DMD: variants seen among roughly 807,000 people sequenced by gnomAD.
DMD encodes mutant dystrophin.
DMD carries 63 observed loss-of-function variants against 330.1 expected under a neutral mutation model. The ratio of observed to expected loss-of-function variants is 0.19; its 90% CI spans 0.16 to 0.24. The LOEUF (loss-of-function observed/expected upper bound fraction) is 0.24, where lower values mean the gene tolerates loss of function less well. DMD is among the 10% of genes least tolerant of loss of function. DMD has a pLI of 1.00. For missense variants in DMD, 3,344 were observed against 2,684.1 expected (o/e 1.25, Z -5.43); for synonymous variants, 1,223 against 959.8 (o/e 1.27, Z -5.07).
At chrX:32,414,171 G>A (rs2098156907) in intron 29 of DMD, among the ~76,000 whole-genome samples, 1 of 111,200 alleles carries the variant, frequency 9.0e-6, no homozygotes, top group South Asian at 3.7e-4. Context: ...TAAACATGTT[G>A]TTCCCTTTTA....
At chrX:32,704,616 T>A (rs1293065793) in intron 7 of DMD, among the ~76,000 whole-genome samples, 1 of 112,435 alleles carries the variant, frequency 8.9e-6, no homozygotes, top group Non-Finnish European at 1.9e-5. Context: ...AGTTGGTCAG[T>A]CTTTTAAGAG....
intron 25 of DMD, among the ~76,000 whole-genome samples, chrX:32,462,567 T>C (rs951500933): frequency 9.0e-6 from 1 of 111,222 alleles, no homozygotes; most frequent in Non-Finnish European, 1.9e-5. Context: ...TGTAGAAAAA[T>C]GAGAAACTCA....
intron 5 of DMD, among the ~76,000 whole-genome samples, chrX:32,818,304 CATT>C (rs1460188989): frequency 7.2e-5 from 8 of 111,760 alleles, no homozygotes; most frequent in African/African-American, 1.3e-4. Flanking sequence ...TTTATAGCAT[CATT>C]ATGTCACTAA....
At chrX:32,849,040 A>C (rs1432704324) in intron 3 of DMD, among the ~76,000 whole-genome samples, 1 of 111,419 alleles carries the variant, frequency 9.0e-6, no homozygotes, top group Non-Finnish European at 1.9e-5. Flanking sequence ...GGGCAAAGAT[A>C]AGAGACGAAG....
intron 47 of DMD, among the ~76,000 whole-genome samples, chrX:31,911,895 C>A (rs1413191597): frequency 1.8e-5 from 2 of 111,174 alleles, no homozygotes; most frequent in East Asian, 2.8e-4. Context: ...ATTGGAAAGG[C>A]GAAAAAACTC....
intron 2 of DMD, among the ~76,000 whole-genome samples, chrX:32,971,070 T>G (rs947399273): frequency 2.7e-5 from 3 of 111,026 alleles, no homozygotes; most frequent in Non-Finnish European, 5.7e-5. Context: ...CAAGTGATTC[T>G]CCTGCCTCAG....
chrX:32,671,582 T>C lies in DMD; in HGVS notation c.960+26288A>G, dbSNP rs778901574. On this transcript the variant is annotated intron_variant, in intron 9 of 78. Coordinates refer to ENST00000357033, the MANE Select transcript of DMD (RefSeq NM_004006.3). Reference sequence around the variant, plus strand: ...AAATATAATCTGCACCTCTGCTAATTACTCATTTTCCATTAAAATGTAAAA... The same window carrying C: ...AAATATAATCTGCACCTCTGCTAATCACTCATTTTCCATTAAAATGTAAAA... 2.7e-5 allele frequency among the ~76,000 whole-genome samples: 3 copies of C among 112,240 alleles called. No individual in the cohort carries two copies. In the East Asian group the frequency reaches 8.4e-4, roughly 31 times the overall value.
chrX:33,331,257 T>C (rs2054171448), intron 1 of DMD, among the ~76,000 whole-genome samples: 1 of 111,534 alleles, frequency 9.0e-6, no homozygotes, highest in Admixed American at 9.5e-5. Flanking sequence ...GAACCTGAGA[T>C]TCCTACTCAC....
intron 2 of DMD, among the ~76,000 whole-genome samples, chrX:32,977,986 C>A (rs7890963): frequency 9.0e-6 from 1 of 111,292 alleles, no homozygotes. Flanking sequence ...GAGGAAATAC[C>A]GAGCAAATAA....
intron 44 of DMD, among the ~76,000 whole-genome samples, chrX:32,130,036 C>T (rs1469597542): frequency 1.1e-5 from 1 of 90,055 alleles, no homozygotes; most frequent in Non-Finnish European, 2.2e-5. Flanking sequence ...TGGCTTTTTT[C>T]CCCCTTACGC....
chrX:32,752,736 A>G (rs2406189), intron 7 of DMD, among the ~76,000 whole-genome samples: 18,980 of 108,379 alleles, frequency 0.18, 2,119 homozygotes, highest in African/African-American at 0.39. Flanking sequence ...ACATGTTGTC[A>G]GAGGATCCCT....
At chrX:31,863,330 A>G (rs1187352568) in intron 48 of DMD, among the ~76,000 whole-genome samples, 2 of 112,140 alleles carry the variant, frequency 1.8e-5, no homozygotes, top group African/African-American at 3.2e-5. Flanking sequence ...GCGACTGAGC[A>G]AGACTCCGTC....
intron 41 of DMD, among the ~76,000 whole-genome samples, chrX:32,317,328 T>A (rs906956530): frequency 1.3e-4 from 15 of 111,684 alleles, no homozygotes; most frequent in African/African-American, 4.5e-4. Context: ...GTTCGATCAA[T>A]GCTTAATGAC....
chrX:32,389,853 A>G (rs2097988468), intron 31 of DMD, among the ~76,000 whole-genome samples, 179 bp from the exon 32 acceptor site: 1 of 112,021 alleles, frequency 8.9e-6, no homozygotes, highest in African/African-American at 3.2e-5. Context: ...AGAATGATTC[A>G]GTAGTTTTTT....
intron 60 of DMD, among the ~76,000 whole-genome samples, chrX:31,368,237 G>C (rs2059363371): frequency 8.9e-6 from 1 of 112,557 alleles, no homozygotes; most frequent in African/African-American, 3.2e-5. Flanking sequence ...CTTCTGCACA[G>C]TGTTTATTGA....
intron 2 of DMD, among the ~76,000 whole-genome samples, chrX:32,872,655 G>A (rs890437133): frequency 3.6e-5 from 4 of 111,993 alleles, no homozygotes; most frequent in African/African-American, 1.3e-4. Flanking sequence ...ATCTTAAAAA[G>A]GAGATTTTAT....
chrX:31,531,637 T>C (rs1431029540), intron 55 of DMD, among the ~76,000 whole-genome samples: 12 of 105,453 alleles, frequency 1.1e-4, no homozygotes, highest in African/African-American at 3.9e-4. Context: ...GCCTGTTCAC[T>C]CTGATGGTAG....
chrX:32,164,863 A>T (rs1286497231), intron 44 of DMD, among the ~76,000 whole-genome samples: 1 of 111,145 alleles, frequency 9.0e-6, no homozygotes, highest in Non-Finnish European at 1.9e-5. Flanking sequence ...CACTCCAGCC[A>T]TGGATAAAAG....
chrX:32,834,993 A>C (rs1415590073), intron 4 of DMD, among the ~76,000 whole-genome samples: 1 of 111,432 alleles, frequency 9.0e-6, no homozygotes, highest in Non-Finnish European at 1.9e-5. Context: ...TTAAAGCACC[A>C]CAGTTAAATC....
Sources: gnomAD v4.1 joint callset for allele counts (sites outside exome capture counted in the v4.1 genomes callset) on GRCh38, gnomAD v4.1.1 for gene constraint, MANE v1.5 for transcripts, NCBI Gene and HGNC (gene_info 2026-07-23, HGNC 2026-07-21) for gene names.